The following TFAP2D variants were observed in gnomAD, a reference collection of about 807,000 sequenced individuals.
The protein encoded by TFAP2D is transcription factor AP-2-delta.
TFAP2D carries 9 observed loss-of-function variants against 43.6 expected under a neutral mutation model. The ratio of observed to expected loss-of-function variants is 0.21; its 90% CI spans 0.12 to 0.36. The LOEUF is 0.36. Ranked by LOEUF, TFAP2D falls within the 10% of genes least tolerant of loss-of-function variation. The probability of loss-of-function intolerance (pLI) is 1.00; values close to 1 mark genes in which losing one functional copy is unlikely to be tolerated. For missense variants in TFAP2D, 513 were observed against 561.4 expected (o/e 0.91, Z 0.87); for synonymous variants, 256 against 224.9 (o/e 1.14, Z -1.24).
At position 50,713,602 on chromosome 6, in the gene TFAP2D, G is replaced by A. The variant is rs962165843; in HGVS notation, c.-454G>A. Among the ~76,000 whole-genome samples the A allele has an allele frequency of 6.6e-6, 1 of 152,108 alleles. No individual in the cohort carries two copies. On this transcript the variant is annotated 5_prime_UTR_variant, in exon 1 of 8. An upstream open reading frame in the 5' UTR loses its in-frame stop. Coordinates refer to ENST00000008391, the MANE Select transcript of TFAP2D (RefSeq NM_172238.4). The stretch of plus-strand genomic sequence containing the variant: ...ATAAGTCCCCACCTCAGTCGGTATA[G>A]AAAAGCATGATAAAGGTTGGAAAAA...
At chr6:50,741,902 G>A (rs1033059880) in intron 5 of TFAP2D, among the ~76,000 whole-genome samples, 1 of 150,788 alleles carries the variant, frequency 6.6e-6, no homozygotes, top group African/African-American at 2.5e-5. Flanking sequence ...TTCCACCACA[G>A]GTTCTTGCAC....
At chr6:50,762,610 A>T (rs1389554411) in intron 7 of TFAP2D, among the ~76,000 whole-genome samples, 2 of 152,128 alleles carry the variant, frequency 1.3e-5, no homozygotes, top group Non-Finnish European at 2.9e-5. Flanking sequence ...AAGGTGCTTT[A>T]GAGAATGTTA....
In TFAP2D at chr6:50,758,557, C is replaced by G. The variant is rs550086775; in HGVS notation, c.1139+7233C>G. 5.9e-5 allele frequency among the ~76,000 whole-genome samples: 9 copies of G among 152,088 alleles called. No homozygotes were observed. The South Asian group carries it at 1.9e-3, about 32-fold the overall frequency. ...CCTTCAGGGTTCCACATGTGACATG[C>G]CTTACAGTCAACTCAACTGGTATTT... is the stretch of plus-strand genomic sequence containing the variant. On this transcript the variant is annotated intron_variant, in intron 7 of 7. Transcript: ENST00000008391.
chr6:50,751,161 T>C (rs761594685), intron 6 of TFAP2D, 50 bp from the exon 7 acceptor site: 1 of 1,301,396 alleles, frequency 7.7e-7, no homozygotes, highest in Non-Finnish European at 1.1e-6. Flanking sequence ...GGGATGAAAT[T>C]AAAGCTCAAT....
At chr6:50,762,158 T>C (rs945086210) in intron 7 of TFAP2D, among the ~76,000 whole-genome samples, 1 of 152,134 alleles carries the variant, frequency 6.6e-6, no homozygotes, top group Admixed American at 6.6e-5. Context: ...CATCCTCTAT[T>C]CTACCTCTTC....
At chr6:50,736,671 A>G (rs1418722254) in intron 5 of TFAP2D, among the ~76,000 whole-genome samples, 1 of 152,092 alleles carries the variant, frequency 6.6e-6, no homozygotes, top group African/African-American at 2.4e-5. Flanking sequence ...TGGTATTTGC[A>G]TGTAGAGGCA....
chr6:50,762,490 C>T (rs2113892770), intron 7 of TFAP2D, among the ~76,000 whole-genome samples: 1 of 152,126 alleles, frequency 6.6e-6, no homozygotes, highest in Admixed American at 6.6e-5. Context: ...AGGGAAGAAA[C>T]CTGACACTTA....
chr6:50,720,189 C>T (rs1008216150), intron 3 of TFAP2D, among the ~76,000 whole-genome samples: 3 of 152,178 alleles, frequency 2.0e-5, no homozygotes, highest in Admixed American at 6.5e-5. Flanking sequence ...AACTGAGTCT[C>T]TTCTGATGGG....
chr6:50,723,822 T>TC (rs1768766573), intron 3 of TFAP2D, among the ~76,000 whole-genome samples: 1 of 151,198 alleles, frequency 6.6e-6, no homozygotes, highest in Admixed American at 6.6e-5. Context: ...GGGATTAATC[T>TC]CCCCCCAACC....
chr6:50,773,011 T>G lies in TFAP2D; in HGVS notation c.*147T>G. 8 of 668,748 alleles carry G rather than the reference T, an allele frequency of 1.2e-5. No homozygotes were observed. The highest frequency in any genetic ancestry group is 3.9e-5 in the South Asian group (1 of 25,872). The allele number at this position is 668,748 out of a possible 1,614,324, so 41.4% of individuals were successfully genotyped here. A position where few individuals can be genotyped will look rare whatever the true frequency, so the allele number is the denominator to read the frequency against. On this transcript the variant is annotated 3_prime_UTR_variant, in exon 8 of 8. Transcript: ENST00000008391. Reference sequence around the variant, plus strand: ...AAAAAACAAAAATGGAAATGAAAAATGAAACAAAAAAGGACAAAACCAAAA... The same window carrying G: ...AAAAAACAAAAATGGAAATGAAAAAGGAAACAAAAAAGGACAAAACCAAAA...
chr6:50,715,074 C>A (rs780191058), intron 1 of TFAP2D, 42 bp from the exon 2 acceptor site: 1 of 1,589,794 alleles, frequency 6.3e-7, no homozygotes, highest in East Asian at 2.3e-5. Context: ...AATGACAAAC[C>A]TCAAGTTTTT....
chr6:50,721,042 C>CA (rs1313450708), intron 3 of TFAP2D, among the ~76,000 whole-genome samples: 2 of 152,196 alleles, frequency 1.3e-5, no homozygotes, highest in African/African-American at 4.8e-5. Flanking sequence ...GACACCCTCT[C>CA]ACCCCCTCAC....
chr6:50,739,314 A>G (rs951650988), intron 5 of TFAP2D, among the ~76,000 whole-genome samples: 5 of 152,156 alleles, frequency 3.3e-5, no homozygotes, highest in Admixed American at 6.5e-5. Context: ...GAGTGAGAAC[A>G]TGTGGTGTTT....
Position 50,772,991 on chromosome 6 carries a change from A to G in TFAP2D, c.*127A>G, listed in dbSNP as rs9357670. On this transcript the variant is annotated 3_prime_UTR_variant, in exon 8 of 8. Coordinates refer to ENST00000008391, the MANE Select transcript of TFAP2D (RefSeq NM_172238.4). ...CCCTTCCCCAACCCTCCATAAAAAA[A>G]CAAAAATGGAAATGAAAAATGAAAC... is the stretch of plus-strand genomic sequence containing the variant. 2 of 906,676 alleles carry G rather than the reference A, an allele frequency of 2.2e-6. No homozygotes were observed. The highest frequency in any genetic ancestry group is 3.4e-5 in the African/African-American group (2 of 59,512). The allele number at this position is 906,676 out of a possible 1,614,324, so 56.2% of individuals were successfully genotyped here. A position where few individuals can be genotyped will look rare whatever the true frequency, so the allele number is the denominator to read the frequency against.
At chr6:50,719,260 A>G (rs1768677116) in intron 3 of TFAP2D, 110 bp downstream of exon 3, 2 of 1,129,590 alleles carry the variant, frequency 1.8e-6, no homozygotes, top group South Asian at 2.8e-5. Context: ...TAAGAAAACA[A>G]TTATGCTTAG....
chr6:50,746,567 G>A (rs1397941490), intron 6 of TFAP2D, among the ~76,000 whole-genome samples: 1 of 152,078 alleles, frequency 6.6e-6, no homozygotes, highest in Non-Finnish European at 1.5e-5. Flanking sequence ...AGAAAATCTA[G>A]GGCAGAGAGT....
chr6:50,719,420 G>C (rs577182671), intron 3 of TFAP2D, among the ~76,000 whole-genome samples: 24 of 150,204 alleles, frequency 1.6e-4, no homozygotes, highest in Admixed American at 1.6e-3. Context: ...GTTAGAGGCA[G>C]AAGGAAAGAC....
At chr6:50,763,680 G>C (rs1415697956) in intron 7 of TFAP2D, among the ~76,000 whole-genome samples, 2 of 151,916 alleles carry the variant, frequency 1.3e-5, no homozygotes, top group Non-Finnish European at 2.9e-5. Context: ...GCAATAAAAA[G>C]AAACAATATA....
intron 2 of TFAP2D, among the ~76,000 whole-genome samples, chr6:50,717,725 A>G (rs1561930415): frequency 6.6e-6 from 1 of 152,224 alleles, no homozygotes; most frequent in African/African-American, 2.4e-5. Context: ...AATGCTATGT[A>G]GCAAGTTTGT....
Sources: gnomAD v4.1 joint callset for allele counts (sites outside exome capture counted in the v4.1 genomes callset) on GRCh38, gnomAD v4.1.1 for gene constraint, MANE v1.5 for transcripts, NCBI Gene and HGNC (gene_info 2026-07-23, HGNC 2026-07-21) for gene names.